Variants in GRID2 observed in about 807,000 individuals in gnomAD.
The protein encoded by GRID2 is glutamate ionotropic receptor delta type subunit 2.
GRID2 carries 33 observed loss-of-function variants against 114.8 expected under a neutral mutation model. The observed-to-expected ratio is 0.29, with a 90% CI of 0.22 to 0.38. The LOEUF is 0.38. GRID2 is among the 10% of genes least tolerant of loss of function. The probability of loss-of-function intolerance (pLI) is 1.00; values close to 1 mark genes in which losing one functional copy is unlikely to be tolerated. For synonymous variants in GRID2, 505 were observed against 449.9 expected, an observed-to-expected ratio of 1.12 and a Z score of -1.55; for missense variants, 1,184 against 1,257.7, an observed-to-expected ratio of 0.94 and a Z score of 0.89.
At chr4:92,372,123 A>T (rs1472961926) in intron 1 of GRID2, among the ~76,000 whole-genome samples, 1 of 151,894 alleles carries the variant, frequency 6.6e-6, no homozygotes, top group Non-Finnish European at 1.5e-5. Context: ...ATAGATAAGC[A>T]AAAAAATGTC....
chr4:92,678,103 G>A (rs1006453329), intron 2 of GRID2, among the ~76,000 whole-genome samples: 1 of 135,238 alleles, frequency 7.4e-6, no homozygotes, highest in African/African-American at 3.1e-5. Context: ...TGACTAATTT[G>A]CTTACTTTCT....
At chr4:92,941,067 A>G (rs1264038350) in intron 2 of GRID2, among the ~76,000 whole-genome samples, 1 of 152,128 alleles carries the variant, frequency 6.6e-6, no homozygotes, top group Non-Finnish European at 1.5e-5. Context: ...TGGTATCAGG[A>G]TGATGCTGGC....
intron 2 of GRID2, among the ~76,000 whole-genome samples, chr4:93,019,881 A>G (rs374079850): frequency 6.6e-6 from 1 of 152,170 alleles, no homozygotes; most frequent in African/African-American, 2.4e-5. Context: ...TACATCCATA[A>G]AAATTACAAA....
At chr4:92,802,370 T>C (rs1740215372) in intron 2 of GRID2, among the ~76,000 whole-genome samples, 1 of 151,978 alleles carries the variant, frequency 6.6e-6, no homozygotes, top group Non-Finnish European at 1.5e-5. Flanking sequence ...TTCACAAAGG[T>C]ATATAATGAC....
chr4:92,564,315 A>C (rs1020350430), intron 1 of GRID2, among the ~76,000 whole-genome samples: 2 of 152,044 alleles, frequency 1.3e-5, no homozygotes, highest in African/African-American at 4.8e-5. Flanking sequence ...ACTAGTATGC[A>C]CAGAAAAATA....
chr4:92,537,198 G>A (rs1725679251), intron 1 of GRID2, among the ~76,000 whole-genome samples: 1 of 152,066 alleles, frequency 6.6e-6, no homozygotes, highest in Non-Finnish European at 1.5e-5. Flanking sequence ...TTGTATGTTG[G>A]AGATGAGGGA....
intron 14 of GRID2, among the ~76,000 whole-genome samples, chr4:93,765,608 TTATATA>T (rs66550272): frequency 3.4e-5 from 1 of 29,502 alleles, no homozygotes; most frequent in African/African-American, 1.2e-4. Flanking sequence ...AGGTGAGGTA[TTATATA>T]TATATATATA....
chr4:92,417,414 T>C (rs923593305), intron 1 of GRID2, among the ~76,000 whole-genome samples: 6 of 152,018 alleles, frequency 3.9e-5, no homozygotes, highest in South Asian at 2.1e-4. Flanking sequence ...AACAGTGTTG[T>C]GAGATGAGGT....
At chr4:93,422,597 T>C (rs1279347212) in intron 9 of GRID2, among the ~76,000 whole-genome samples, 174 bp from the exon 10 acceptor site, 1 of 152,218 alleles carries the variant, frequency 6.6e-6, no homozygotes, top group African/African-American at 2.4e-5. Flanking sequence ...AATTGAATGA[T>C]TAAGCATTGT....
chr4:93,492,417 C>T (rs1009887948), intron 12 of GRID2, among the ~76,000 whole-genome samples: 3 of 151,812 alleles, frequency 2.0e-5, no homozygotes, highest in African/African-American at 7.2e-5. Flanking sequence ...GTTCCTGAGC[C>T]TACATTCTAA....
At chr4:93,805,246 G>A (rs1287515325) in intron 1 of GRID2, among the ~76,000 whole-genome samples, 1 of 152,186 alleles carries the variant, frequency 6.6e-6, no homozygotes, top group Non-Finnish European at 1.5e-5. Flanking sequence ...TGTTAGGGAC[G>A]TATTGATTTA....
At chr4:92,896,805 C>T (rs767172291) in intron 2 of GRID2, among the ~76,000 whole-genome samples, 6 of 152,184 alleles carry the variant, frequency 3.9e-5, no homozygotes, top group African/African-American at 7.2e-5. Flanking sequence ...TGCAGTGGCG[C>T]GATCTTTGCT....
At chr4:92,714,119 A>T (rs1579900299) in intron 2 of GRID2, among the ~76,000 whole-genome samples, 2 of 152,320 alleles carry the variant, frequency 1.3e-5, no homozygotes, top group Middle Eastern at 6.8e-3. Context: ...CAATGGAGGT[A>T]CAGGCATTGG....
At chr4:93,250,201 C>G (rs532652609) in intron 8 of GRID2, among the ~76,000 whole-genome samples, 1 of 152,000 alleles carries the variant, frequency 6.6e-6, no homozygotes, top group Non-Finnish European at 1.5e-5. Context: ...TGTAGGGACA[C>G]GGATGAAGCT....
chr4:92,452,107 C>T lies in GRID2; in HGVS notation c.89-138024C>T, dbSNP rs573413929. ...GTATAAGTGTAAAAGACAGGTAAAGCAGTGTCATGGCATACATCATTGTGG... is the reference window on the plus strand; with the variant it reads ...GTATAAGTGTAAAAGACAGGTAAAGTAGTGTCATGGCATACATCATTGTGG... On this transcript the variant is annotated intron_variant, in intron 1 of 15. Transcript: ENST00000282020. Among the ~76,000 whole-genome samples the T allele has an allele frequency of 1.6e-3, 237 of 152,242 alleles. 1 individual carries two copies. The highest frequency in any genetic ancestry group is 5.5e-3 in the African/African-American group (230 of 41,542).
chr4:93,388,063 T>G (rs1295259303), intron 8 of GRID2, among the ~76,000 whole-genome samples: 1 of 152,040 alleles, frequency 6.6e-6, no homozygotes, highest in African/African-American at 2.4e-5. Context: ...AAATATATAT[T>G]TAAAAAACTT....
chr4:92,683,711 A>G (rs543650968), intron 2 of GRID2, among the ~76,000 whole-genome samples: 7 of 152,092 alleles, frequency 4.6e-5, no homozygotes, highest in Middle Eastern at 6.8e-3. Context: ...AAGATTAAAA[A>G]TAAAAGGATA....
At chr4:92,705,486 C>G (rs1734910659) in intron 2 of GRID2, among the ~76,000 whole-genome samples, 1 of 152,150 alleles carries the variant, frequency 6.6e-6, no homozygotes, top group Admixed American at 6.6e-5. Flanking sequence ...GGGGCATACT[C>G]CCTTAACTAG....
chr4:92,384,565 TATA>T (rs1729811426), intron 1 of GRID2, among the ~76,000 whole-genome samples: 3 of 58,110 alleles, frequency 5.2e-5, no homozygotes, highest in Admixed American at 2.1e-4. Flanking sequence ...TTATATATAA[TATA>T]ATATATAAAA....
Sources: allele counts gnomAD v4.1 joint callset (sites outside exome capture counted in the v4.1 genomes callset), GRCh38; gene constraint gnomAD v4.1.1; transcripts MANE v1.5; gene names NCBI Gene and HGNC (gene_info 2026-07-23, HGNC 2026-07-21).